The following FXYD6 variants were observed in gnomAD, a reference collection of about 807,000 sequenced individuals.
The protein encoded by FXYD6 is FXYD domain containing ion transport regulator 6.
FXYD6 carries 7 observed loss-of-function variants against 16.7 expected under a neutral mutation model. That is an observed-to-expected ratio of 0.42 (90% confidence interval 0.24 to 0.79). The LOEUF (loss-of-function observed/expected upper bound fraction) is 0.79, where lower values mean the gene tolerates loss of function less well. FXYD6 is among the 30% of genes least tolerant of loss of function. FXYD6 has a pLI of 0.28. For missense variants in FXYD6, 111 were observed against 116.2 expected, an observed-to-expected ratio of 0.95 and a Z score of 0.21; for synonymous variants, 49 against 43.0, an observed-to-expected ratio of 1.14 and a Z score of -0.54.
intron 1 of FXYD6, chr11:117,844,168 T>A (rs922605502): frequency 3.9e-5 from 6 of 152,384 alleles, no homozygotes; most frequent in African/African-American, 1.4e-4. Flanking sequence ...CCACCAGGGG[T>A]CAGAACGACT....
intron 1 of FXYD6, among the ~76,000 whole-genome samples, chr11:117,857,701 C>T (rs1315616136): frequency 6.6e-6 from 1 of 152,122 alleles, no homozygotes; most frequent in African/African-American, 2.4e-5. Flanking sequence ...GCCACCACAC[C>T]CGGCCCAGGT....
chr11:117,841,972 A>G lies in FXYD6; in HGVS notation c.97+18T>C, dbSNP rs905534762. Reference sequence around the variant, plus strand: ...TGCATTCCCCCTGACCCCTGCACCCAGGGTTGCCATCGCTCACCATAATGA... The same window carrying G: ...TGCATTCCCCCTGACCCCTGCACCCGGGGTTGCCATCGCTCACCATAATGA... On this transcript the variant is annotated intron_variant, in intron 3 of 7. Coordinates refer to ENST00000526014, the MANE Select transcript of FXYD6 (RefSeq NM_022003.4). 2.3e-5 allele frequency: 37 copies of G among 1,614,048 alleles called. No individual in the cohort carries two copies. The highest frequency in any genetic ancestry group is 3.1e-5 in the Non-Finnish European group (37 of 1,180,030).
rs565631870 is a variant in FXYD6, at chr11:117,868,664, A to C, written c.-6+7928T>G. 3.9e-5 allele frequency among the ~76,000 whole-genome samples: 6 copies of C among 152,320 alleles called. No individual in the cohort carries two copies. The South Asian group carries it at 1.2e-3, about 32-fold the overall frequency. On this transcript the variant is annotated intron_variant, in intron 1 of 7. Transcript: ENST00000526014. ...TAAAGTGTCAATGTTAGTCAATATTATTGTACCAATATTTGTTCATTAATT... is the reference window on the plus strand; with the variant it reads ...TAAAGTGTCAATGTTAGTCAATATTCTTGTACCAATATTTGTTCATTAATT...
intron 1 of FXYD6, among the ~76,000 whole-genome samples, chr11:117,850,020 A>G (rs1010122848): frequency 2.6e-5 from 4 of 152,206 alleles, no homozygotes; most frequent in Non-Finnish European, 5.9e-5. Context: ...TCCTGTACAT[A>G]TGTCCTGTGG....
At chr11:117,850,721 G>A (rs1565317671) in intron 1 of FXYD6, among the ~76,000 whole-genome samples, 1 of 151,436 alleles carries the variant, frequency 6.6e-6, no homozygotes, top group Non-Finnish European at 1.5e-5. Context: ...TCGAACTCCT[G>A]GGCTCAGGTG....
chr11:117,841,909 G>T (rs750416147), intron 3 of FXYD6, 44 bp from the exon 4 acceptor site: 1 of 1,613,944 alleles, frequency 6.2e-7, no homozygotes, highest in South Asian at 1.1e-5. Context: ...GCCAGGGAGA[G>T]GGTGTCTGTT....
At chr11:117,850,157 T>C (rs898213336) in intron 1 of FXYD6, among the ~76,000 whole-genome samples, 2 of 152,180 alleles carry the variant, frequency 1.3e-5, no homozygotes, top group African/African-American at 4.8e-5. Context: ...CCCTAAGCCT[T>C]ATCTTTGGGG....
At chr11:117,842,674 C>G in intron 2 of FXYD6, 45 bp downstream of exon 2, 1 of 1,544,494 alleles carries the variant, frequency 6.5e-7, no homozygotes, top group African/African-American at 1.4e-5. Context: ...GAGGGCTGGA[C>G]AGGGTTGTCA....
rs2056820456 is a variant in FXYD6, at chr11:117,858,714, TC to T, written c.-5-15934del. ...TTCTTTCTTTCTTTCTCTCTCTCTC[TC>T]CTTCCTTCCCTTCCTTCCTTCCTTC... On this transcript the variant is annotated intron_variant, in intron 1 of 7. Coordinates refer to ENST00000526014, the MANE Select transcript of FXYD6 (RefSeq NM_022003.4). Among the ~76,000 whole-genome samples the T allele has an allele frequency of 4.9e-5, 5 of 102,882 alleles. No individual in the cohort carries two copies. In the South Asian group the frequency reaches 1.5e-3, roughly 32 times the overall value. The allele number at this position is 102,882 out of a possible 152,430, so 67.5% of individuals were successfully genotyped here.
intron 1 of FXYD6, among the ~76,000 whole-genome samples, chr11:117,855,603 G>A (rs1431775185): frequency 2.6e-5 from 4 of 152,204 alleles, no homozygotes; most frequent in Non-Finnish European, 4.4e-5. Context: ...TGGCTGGGGT[G>A]GGGAGGGTAA....
intron 1 of FXYD6, among the ~76,000 whole-genome samples, chr11:117,873,683 A>T (rs1207740048): frequency 6.6e-6 from 1 of 152,160 alleles, no homozygotes; most frequent in Non-Finnish European, 1.5e-5. Context: ...TGCCATCCAG[A>T]TGGCGGCCGA....
At chr11:117,844,361 C>T (rs921140626) in intron 1 of FXYD6, among the ~76,000 whole-genome samples, 2 of 152,092 alleles carry the variant, frequency 1.3e-5, no homozygotes, top group Admixed American at 6.5e-5. Flanking sequence ...AATAGAAACA[C>T]CCATAAACCA....
At chr11:117,860,474 C>T (rs933813772) in intron 1 of FXYD6, among the ~76,000 whole-genome samples, 5 of 152,204 alleles carry the variant, frequency 3.3e-5, no homozygotes, top group Non-Finnish European at 7.3e-5. Flanking sequence ...CATACATATT[C>T]GTGCGCTAGA....
chr11:117,840,672 C>T (rs879943619), intron 5 of FXYD6, among the ~76,000 whole-genome samples: 2 of 152,074 alleles, frequency 1.3e-5, no homozygotes, highest in African/African-American at 4.8e-5. Flanking sequence ...GTCCAAGCTA[C>T]CCTTGGCTAT....
At chr11:117,861,802 G>A (rs1411480283) in intron 1 of FXYD6, among the ~76,000 whole-genome samples, 2 of 152,232 alleles carry the variant, frequency 1.3e-5, no homozygotes, top group South Asian at 2.1e-4. Context: ...GTCACAGGAC[G>A]TGGAGGGTCC....
intron 1 of FXYD6, among the ~76,000 whole-genome samples, chr11:117,853,744 C>T (rs374964819): frequency 7.2e-5 from 11 of 152,126 alleles, no homozygotes; most frequent in Admixed American, 4.6e-4. Flanking sequence ...CCTTCTGGCT[C>T]GGCCTCCTTA....
intron 1 of FXYD6, among the ~76,000 whole-genome samples, chr11:117,861,759 C>T (rs776593210): frequency 1.3e-5 from 2 of 152,204 alleles, no homozygotes; most frequent in African/African-American, 4.8e-5. Flanking sequence ...ACATTGTCCT[C>T]CAACCACTGG....
intron 1 of FXYD6, among the ~76,000 whole-genome samples, chr11:117,845,259 G>T (rs2056444497): frequency 6.6e-6 from 1 of 152,142 alleles, no homozygotes; most frequent in African/African-American, 2.4e-5. Flanking sequence ...ATGGACTTCT[G>T]TGTCTGGCTT....
chr11:117,847,052 C>T (rs1309155152), intron 1 of FXYD6, among the ~76,000 whole-genome samples: 1 of 152,150 alleles, frequency 6.6e-6, no homozygotes, highest in African/African-American at 2.4e-5. Flanking sequence ...CAATAAAGTT[C>T]CATAAATGCT....
Sources: allele counts gnomAD v4.1 joint callset (sites outside exome capture counted in the v4.1 genomes callset), GRCh38; gene constraint gnomAD v4.1.1; transcripts MANE v1.5; gene names NCBI Gene and HGNC (gene_info 2026-07-23, HGNC 2026-07-21).